The following DRC11L variants were observed in gnomAD, a reference collection of about 807,000 sequenced individuals.
DRC11L encodes the protein dynein regulatory complex subunit 11 like.
the DRC11L span, chr7:151,204,839 G>A: frequency 5.0e-6 from 2 of 399,128 alleles, no homozygotes; most frequent in South Asian, 1.3e-4. Flanking sequence ...GGTAAGCTCT[G>A]GGGAGAGGGT....
At chr7:151,197,227 T>G in the DRC11L span, 1 of 399,502 alleles carries the variant, frequency 2.5e-6, no homozygotes, top group Non-Finnish European at 4.4e-6. Context: ...CTTTTCTTCC[T>G]TTCCTTTCTT....
At chr7:151,192,717 C>A in the DRC11L span, 1 of 399,240 alleles carries the variant, frequency 2.5e-6, no homozygotes, top group Non-Finnish European at 4.4e-6. Context: ...CCTGCCCACA[C>A]GGCCTTCACA....
At chr7:151,195,327 A>G in the DRC11L span, 1 of 398,690 alleles carries the variant, frequency 2.5e-6, no homozygotes, top group Non-Finnish European at 4.4e-6. Flanking sequence ...CGACTTTCCC[A>G]AGGTCTCACA....
the DRC11L span, chr7:151,196,679 G>A: frequency 5.0e-6 from 2 of 398,326 alleles, no homozygotes; most frequent in Non-Finnish European, 8.8e-6. Flanking sequence ...ACACAGGTCA[G>A]GAGCCAGGCC....
the DRC11L span, among the ~76,000 whole-genome samples, chr7:151,201,721 T>G: frequency 1.3e-5 from 2 of 151,902 alleles, no homozygotes; most frequent in Non-Finnish European, 2.9e-5. This position sits in a 1 kb window ranked among gnomAD's most constrained non-coding sequence, Gnocchi z 4.1. Flanking sequence ...GGAGATTGAT[T>G]TGAGAGAGAA....
At chr7:151,194,255 C>A in the DRC11L span, 1 of 399,020 alleles carries the variant, frequency 2.5e-6, no homozygotes, top group Admixed American at 4.4e-5. Context: ...GAGCCTCTCA[C>A]CAAGCCGAAG....
At chr7:151,203,041 C>T in the DRC11L span, 922 of 399,702 alleles carry the variant, frequency 2.3e-3, 12 homozygotes, top group Non-Finnish European at 2.0e-3. Context: ...TTGCCTCGCC[C>T]GCTCTGCCTT....
At chr7:151,196,654 C>T in the DRC11L span, 1 of 398,846 alleles carries the variant, frequency 2.5e-6, no homozygotes, top group Non-Finnish European at 4.4e-6. Context: ...TACGTGCACA[C>T]AGACACATGT....
At chr7:151,198,755 A>T in the DRC11L span, 1 of 399,050 alleles carries the variant, frequency 2.5e-6, no homozygotes, top group Non-Finnish European at 4.4e-6. Context: ...CCCTGAGCGA[A>T]GGGAATGAAG....
At chr7:151,196,562 C>T in the DRC11L span, 1 of 399,710 alleles carries the variant, frequency 2.5e-6, no homozygotes, top group East Asian at 3.6e-5. Context: ...TATCTGACCG[C>T]AGAGAATGGA....
the DRC11L span, among the ~76,000 whole-genome samples, chr7:151,196,232 A>G: frequency 2.6e-5 from 4 of 152,104 alleles, no homozygotes; most frequent in Non-Finnish European, 5.9e-5. Flanking sequence ...GAGGCAGAGG[A>G]AGGTGGGAAC....
chr7:151,195,260 C>A, the DRC11L span, among the ~76,000 whole-genome samples: 9 of 152,154 alleles, frequency 5.9e-5, no homozygotes, highest in South Asian at 1.5e-3. Context: ...CGGCTATCAC[C>A]TGAGTTTGGC....
the DRC11L span, chr7:151,198,839 CTCCT>C: frequency 5.0e-6 from 2 of 399,130 alleles, no homozygotes; most frequent in South Asian, 1.3e-4. Context: ...CCTTCATTTT[CTCCT>C]TCATGTCAGG....
chr7:151,198,170 G>A, the DRC11L span, among the ~76,000 whole-genome samples: 8 of 146,514 alleles, frequency 5.5e-5, no homozygotes, highest in African/African-American at 2.0e-4. Flanking sequence ...GGGTAGATGT[G>A]TGGATGGATG....
the DRC11L span, chr7:151,196,895 G>T: frequency 2.5e-6 from 1 of 399,048 alleles, no homozygotes; most frequent in Non-Finnish European, 4.4e-6. Flanking sequence ...TGGTCCGTGT[G>T]CAGACACCCA....
chr7:151,204,469 A>AGCTG, the DRC11L span: 1 of 398,686 alleles, frequency 2.5e-6, no homozygotes, highest in Non-Finnish European at 4.4e-6. Context: ...CCCTCCCGCT[A>AGCTG]GCTGGCTGGG....
the DRC11L span, chr7:151,191,233 C>T: frequency 6.1e-3 from 2,414 of 397,600 alleles, 59 homozygotes; most frequent in African/African-American, 0.045. Context: ...TCCCTTGCTC[C>T]CCACCAAATG....
chr7:151,201,236 C>T, the DRC11L span, among the ~76,000 whole-genome samples: 1 of 152,242 alleles, frequency 6.6e-6, no homozygotes, highest in Non-Finnish European at 1.5e-5. The surrounding 1 kb of genome is among the most constrained non-coding windows in gnomAD (Gnocchi z 4.1). Flanking sequence ...GGGCTTCGTC[C>T]TCCCACTCCT....
At chr7:151,195,000 G>A in the DRC11L span, among the ~76,000 whole-genome samples, 1 of 152,150 alleles carries the variant, frequency 6.6e-6, no homozygotes, top group South Asian at 2.1e-4. Context: ...AATTCAAGCA[G>A]CTGACGTCAA....
Sources: gnomAD v4.1 joint callset for allele counts (sites outside exome capture counted in the v4.1 genomes callset) on GRCh38, gnomAD v4.1.1 for gene constraint, Gnocchi (gnomAD v3.1) non-coding constraint, MANE v1.5 for transcripts, NCBI Gene and HGNC (gene_info 2026-07-23, HGNC 2026-07-21) for gene names.